The following CNTN5 variants were observed in gnomAD, a reference collection of about 807,000 sequenced individuals.
CNTN5 encodes the protein contactin-5.
CNTN5 carries 77 observed loss-of-function variants against 129.1 expected under a neutral mutation model. The observed-to-expected ratio is 0.60, with a 90% CI of 0.50 to 0.72. The LOEUF (loss-of-function observed/expected upper bound fraction) is 0.72, where lower values mean the gene tolerates loss of function less well. Among genes scored for constraint, CNTN5 ranks in the 30% least tolerant of loss-of-function variants. The pLI, the probability that CNTN5 is intolerant of heterozygous loss-of-function variation, is 0.00. For synonymous variants in CNTN5, 509 were observed against 465.6 expected, an observed-to-expected ratio of 1.09 and a Z score of -1.20; for missense variants, 1,478 against 1,328.8, an observed-to-expected ratio of 1.11 and a Z score of -1.75.
At chr11:100,275,628 G>T (rs1400079006) in intron 18 of CNTN5, among the ~76,000 whole-genome samples, 1 of 152,182 alleles carries the variant, frequency 6.6e-6, no homozygotes, top group Non-Finnish European at 1.5e-5. Context: ...TATTCAGATT[G>T]TGCATTTTAA....
intron 2 of CNTN5, among the ~76,000 whole-genome samples, chr11:99,435,809 G>T (rs66881061): frequency 0.19 from 28,333 of 152,084 alleles, 3,025 homozygotes; most frequent in Non-Finnish European, 0.24. Flanking sequence ...CTTCAATTAG[G>T]TTGTCATTTA....
chr11:100,213,280 A>C (rs1432596566), intron 15 of CNTN5, among the ~76,000 whole-genome samples: 1 of 152,172 alleles, frequency 6.6e-6, no homozygotes, highest in Non-Finnish European at 1.5e-5. Flanking sequence ...AATGTGTACA[A>C]CTTTGAAAGT....
chr11:99,785,051 C>CACCT (rs1945467872), intron 3 of CNTN5, among the ~76,000 whole-genome samples: 1 of 151,840 alleles, frequency 6.6e-6, no homozygotes, highest in Non-Finnish European at 1.5e-5. Flanking sequence ...CGCCTGCCTC[C>CACCT]GCCTGCCTCC....
chr11:100,231,951 C>T (rs1202207009), intron 16 of CNTN5, among the ~76,000 whole-genome samples: 4 of 152,068 alleles, frequency 2.6e-5, no homozygotes, highest in African/African-American at 7.2e-5. Flanking sequence ...GTCAGGAGAT[C>T]GAGACCAGCC....
intron 1 of CNTN5, among the ~76,000 whole-genome samples, chr11:99,026,747 T>C (rs978925683): frequency 7.3e-5 from 11 of 151,610 alleles, no homozygotes; most frequent in Non-Finnish European, 4.4e-5. Flanking sequence ...GTGTTCAACA[T>C]TGCAAGTAAT....
intron 13 of CNTN5, among the ~76,000 whole-genome samples, chr11:100,113,396 G>A (rs139795086): frequency 1.6e-5 from 1 of 64,426 alleles, no homozygotes; most frequent in Non-Finnish European, 2.9e-5. Context: ...AAGGTTTAAT[G>A]CCCAACCAGG....
chr11:99,767,609 A>G (rs1186029964), intron 3 of CNTN5, among the ~76,000 whole-genome samples: 2 of 111,172 alleles, frequency 1.8e-5, no homozygotes, highest in Non-Finnish European at 1.9e-5. Context: ...GATTACTATT[A>G]ATTTTAAGTT....
intron 1 of CNTN5, among the ~76,000 whole-genome samples, chr11:99,093,560 TA>T (rs1866343189): frequency 6.6e-6 from 1 of 151,950 alleles, no homozygotes; most frequent in African/African-American, 2.4e-5. Flanking sequence ...TTGGGAAGGC[TA>T]AAAACCAGCT....
chr11:99,927,430 T>A (rs2136060395), intron 7 of CNTN5, among the ~76,000 whole-genome samples: 1 of 152,300 alleles, frequency 6.6e-6, no homozygotes, highest in South Asian at 2.1e-4. Context: ...CCCGCTGCTA[T>A]GAAGAAATAC....
intron 2 of CNTN5, among the ~76,000 whole-genome samples, chr11:99,362,060 G>T (rs761811716): frequency 1.3e-5 from 2 of 152,022 alleles, no homozygotes; most frequent in Non-Finnish European, 2.9e-5. Context: ...CATAGTGGCT[G>T]TGCCTCTGTA....
chr11:100,038,391 T>C (rs957252172), intron 9 of CNTN5, among the ~76,000 whole-genome samples: 4 of 152,314 alleles, frequency 2.6e-5, no homozygotes, highest in Admixed American at 2.6e-4. Context: ...CTTCCAACTA[T>C]GTGGTCAATT....
intron 1 of CNTN5, among the ~76,000 whole-genome samples, chr11:99,079,531 C>A (rs138069777): frequency 1.3e-5 from 2 of 152,160 alleles, no homozygotes; most frequent in African/African-American, 2.4e-5. Context: ...TCAGTAGGAT[C>A]TTGCAAATTC....
intron 6 of CNTN5, among the ~76,000 whole-genome samples, chr11:99,863,555 C>A (rs1183430141): frequency 2.6e-5 from 4 of 152,144 alleles, no homozygotes; most frequent in African/African-American, 9.6e-5. Flanking sequence ...TCAGTAATGT[C>A]ATTTACCTGG....
chr11:99,200,480 C>A (rs147738567), intron 1 of CNTN5, among the ~76,000 whole-genome samples: 1 of 152,306 alleles, frequency 6.6e-6, no homozygotes, highest in African/African-American at 2.4e-5. Flanking sequence ...TAGACCAGTT[C>A]ATTTTTGTAC....
chr11:99,680,715 G>A (rs1045172480), intron 3 of CNTN5, among the ~76,000 whole-genome samples: 8 of 151,746 alleles, frequency 5.3e-5, no homozygotes, highest in African/African-American at 1.7e-4. Flanking sequence ...TTATCAGAAG[G>A]TTTTTACCTT....
intron 1 of CNTN5, among the ~76,000 whole-genome samples, chr11:99,168,349 G>GA (rs1357728265): frequency 6.6e-6 from 1 of 152,024 alleles, no homozygotes; most frequent in Non-Finnish European, 1.5e-5. Context: ...GGGGTGGGGG[G>GA]ACGGCAGGTC....
chr11:99,638,184 A>C (rs1951636665), intron 3 of CNTN5, among the ~76,000 whole-genome samples: 1 of 152,108 alleles, frequency 6.6e-6, no homozygotes, highest in African/African-American at 2.4e-5. Context: ...GGCAAGAGAA[A>C]ATGAGGAAGC....
At chr11:99,613,944 CA>C (rs1565349423) in intron 3 of CNTN5, among the ~76,000 whole-genome samples, 1 of 152,152 alleles carries the variant, frequency 6.6e-6, no homozygotes, top group Non-Finnish European at 1.5e-5. Flanking sequence ...TGGAATGAGT[CA>C]AAATGTTTCC....
chr11:99,371,174 A>G (rs1939798446), intron 2 of CNTN5, among the ~76,000 whole-genome samples: 2 of 152,176 alleles, frequency 1.3e-5, no homozygotes, highest in South Asian at 4.1e-4. Context: ...CTTTGTTGAA[A>G]GAGGTAAGAA....
Sources: gnomAD v4.1 joint callset for allele counts (sites outside exome capture counted in the v4.1 genomes callset) on GRCh38, gnomAD v4.1.1 for gene constraint, MANE v1.5 for transcripts, NCBI Gene and HGNC (gene_info 2026-07-23, HGNC 2026-07-21) for gene names.